The following APAF1 variants were observed in gnomAD, a reference collection of about 807,000 sequenced individuals.
The protein encoded by APAF1 is apoptotic peptidase activating factor 1.
In APAF1, 91 loss-of-function variants were observed where a neutral mutation model predicts 152.4. The ratio of observed to expected loss-of-function variants is 0.60; its 90% confidence interval spans 0.50 to 0.71. The LOEUF (loss-of-function observed/expected upper bound fraction) is 0.71. APAF1 is among the 30% of genes least tolerant of loss of function. The pLI is 0.00. For synonymous variants in APAF1, 484 were observed against 494.1 expected (o/e 0.98, Z 0.27); for missense variants, 1,283 against 1,472.0 (o/e 0.87, Z 2.10).
At chr12:98,726,914 T>G (rs2097751407) in intron 25 of APAF1, among the ~76,000 whole-genome samples, 2 of 152,206 alleles carry the variant, frequency 1.3e-5, no homozygotes, top group South Asian at 4.1e-4. Flanking sequence ...TTACAAATGA[T>G]TGTTTAATTT....
intron 20 of APAF1, 35 bp from the exon 21 acceptor site, chr12:98,712,284 A>G (rs758543506): frequency 8.2e-7 from 1 of 1,223,504 alleles, no homozygotes; most frequent in South Asian, 1.2e-5. Flanking sequence ...CTGCTCTTAC[A>G]GCCTAATAAC....
intron 21 of APAF1, chr12:98,712,868 A>C (rs1055114193): frequency 1.1e-5 from 2 of 186,612 alleles, no homozygotes; most frequent in African/African-American, 4.8e-5. Flanking sequence ...CACAGGCTGG[A>C]GTGCAGTGGT....
intron 26 of APAF1, among the ~76,000 whole-genome samples, chr12:98,727,546 CA>C (rs10718979): frequency 0.84 from 97,832 of 116,012 alleles, 40,374 homozygotes; most frequent in African/African-American, 0.9. Flanking sequence ...CATCCTGTCT[CA>C]AAAAAAAAAA....
chr12:98,729,943 A>G (rs983926145), intron 26 of APAF1, among the ~76,000 whole-genome samples: 1 of 152,240 alleles, frequency 6.6e-6, no homozygotes, highest in African/African-American at 2.4e-5. Flanking sequence ...ATTATAGTTA[A>G]CAATTTATTG....
rs116928965 is a variant in APAF1 at position 98,735,094 on chromosome 12, G to C, written c.*2528G>C. 3 of 397,942 alleles carry C rather than the reference G, an allele frequency of 7.5e-6. No homozygotes were observed. The highest frequency in any genetic ancestry group is 1.3e-5 in the Non-Finnish European group (3 of 225,824). The allele number at this position is 397,942 out of a possible 1,614,324, so 24.7% of individuals were successfully genotyped here. A position where few individuals can be genotyped will look rare whatever the true frequency, so the allele number is the denominator to read the frequency against. ...AAGACCCTGTCTTAAAAGAAAAATG[G>C]GAAGAAAGACAAGGTAACATGAAGA... On this transcript the variant is annotated 3_prime_UTR_variant, in exon 27 of 27. Coordinates refer to ENST00000551964, the MANE Select transcript of APAF1 (RefSeq NM_181861.2).
At position 98,665,581 on chromosome 12, in the gene APAF1, T is replaced by G. The variant is rs1161369683; in HGVS notation, c.984T>G (p.Gly328=). ...CTCCCCTTGTAGTATCTTTAATTGGTGCACTTTTACGTGATTTTCCCAATC... is the reference window on the plus strand; with the variant it reads ...CTCCCCTTGTAGTATCTTTAATTGGGGCACTTTTACGTGATTTTCCCAATC... ...KGSPLVVSLI[G]ALLRDFPNRW... Residue 328 remains glycine (G), a synonymous_variant, in exon 8 of 27, where the codon GGT becomes GGG. Coordinates refer to ENST00000551964, the MANE Select transcript of APAF1 (RefSeq NM_181861.2). 6.2e-7 allele frequency: 1 copy of G among 1,613,716 alleles called. No homozygotes were observed. Among genetic ancestry groups the G allele is most frequent in the African/African-American group, 1.3e-5 (1 of 75,002 alleles).
At chr12:98,719,856 A>G (rs1018392225) in intron 22 of APAF1, among the ~76,000 whole-genome samples, 10 of 152,076 alleles carry the variant, frequency 6.6e-5, no homozygotes, top group Admixed American at 6.6e-4. Context: ...TTTATTTAGT[A>G]TATATATTAA....
At chr12:98,701,366 G>A (rs1480481278) in intron 17 of APAF1, among the ~76,000 whole-genome samples, 1 of 152,184 alleles carries the variant, frequency 6.6e-6, no homozygotes, top group East Asian at 1.9e-4. Flanking sequence ...TTACCTAGGA[G>A]TGGAATTACT....
At chr12:98,731,893 TA>T (rs1451257508) in intron 26 of APAF1, among the ~76,000 whole-genome samples, 1 of 152,188 alleles carries the variant, frequency 6.6e-6, no homozygotes, top group East Asian at 1.9e-4. Context: ...AAATAAATAA[TA>T]TAGATTATTT....
At chr12:98,688,928 T>G (rs1023755520) in intron 16 of APAF1, among the ~76,000 whole-genome samples, 5 of 151,986 alleles carry the variant, frequency 3.3e-5, no homozygotes, top group African/African-American at 1.2e-4. Context: ...TCCTCCCACC[T>G]CAGCCTCTTG....
intron 4 of APAF1, among the ~76,000 whole-genome samples, chr12:98,656,912 C>T (rs1026553236): frequency 6.6e-6 from 1 of 152,190 alleles, no homozygotes; most frequent in Non-Finnish European, 1.5e-5. Flanking sequence ...TTGATGTAAT[C>T]ACCGTCTCAT....
At chr12:98,648,527 C>T (rs766952884) in intron 2 of APAF1, 30 bp downstream of exon 2, 17 of 1,609,820 alleles carry the variant, frequency 1.1e-5, no homozygotes, top group Admixed American at 1.7e-5. Flanking sequence ...TCCACACTTC[C>T]TTAAAAATTT....
Position 98,727,184 on chromosome 12 carries a change from C to G in APAF1, c.3468C>G (p.Val1156=), listed in dbSNP as rs754044920. The change falls in exon 26 of 27, where the codon GTC becomes GTG. Residue 1156 remains valine, a synonymous_variant. Transcript: ENST00000551964. ...DDNGEIRIWN[V]SNGELLHLCA... is the part of the protein sequence containing the mutation. Reference sequence around the variant, plus strand: ...TCATGTTTATGTAGATATGGAATGTCTCAAACGGTGAGCTTCTTCATTTGT... The same window carrying G: ...TCATGTTTATGTAGATATGGAATGTGTCAAACGGTGAGCTTCTTCATTTGT... 1 of 1,614,076 alleles carries G rather than the reference C, an allele frequency of 6.2e-7. No individual in the cohort carries two copies. Among genetic ancestry groups the G allele is most frequent in the East Asian group, 2.2e-5 (1 of 44,874 alleles).
At position 98,671,584 on chromosome 12, in the gene APAF1, A is replaced by AC; in HGVS notation, c.1660dup (p.Leu554ProfsTer9). On this transcript the variant is annotated frameshift_variant, in exon 12 of 27. Coordinates refer to ENST00000551964, the MANE Select transcript of APAF1 (RefSeq NM_181861.2). LOFTEE classifies it high-confidence loss of function. Reference sequence around the variant, plus strand: ...CAGGAGTTTTTATCTTTAAATGGACACCTTCTTGGACGACAGCCATTTCCT... The same window carrying AC: ...CAGGAGTTTTTATCTTTAAATGGACACCCTTCTTGGACGACAGCCATTTCCT... 6.2e-7 allele frequency: 1 copy of AC among 1,613,946 alleles called. No individual in the cohort carries two copies. Among genetic ancestry groups the AC allele is most frequent in the South Asian group, 1.1e-5 (1 of 91,068 alleles).
chr12:98,706,527 G>A lies in APAF1; in HGVS notation c.2638G>A (p.Gly880Arg), dbSNP rs764952058. 1.9e-6 allele frequency: 3 copies of A among 1,614,036 alleles called. No individual in the cohort carries two copies. In the South Asian group the frequency reaches 3.3e-5, roughly 18 times the overall value. ...ACGTTCAAAGGTGGCTGATTGCAGA[G>A]GACATTTAAGTTGGGTTCATGGTGT... ...DSRSKVADCR[G>R]HLSWVHGVMF... The change falls in exon 19 of 27, where the codon GGA (glycine) becomes AGA (arginine). Residue 880 changes from glycine (G) to arginine (R), a missense_variant. By Grantham distance (125) the Gly-to-Arg change is moderately radical (BLOSUM62 -2). Coordinates refer to ENST00000551964, the MANE Select transcript of APAF1 (RefSeq NM_181861.2).
chr12:98,655,245 G>A (rs1422100677), intron 4 of APAF1, among the ~76,000 whole-genome samples: 1 of 147,330 alleles, frequency 6.8e-6, no homozygotes, highest in Non-Finnish European at 1.5e-5. Context: ...ACACAGACAC[G>A]GCAACCATCC....
chr12:98,734,327 ACCT>A lies in APAF1; in HGVS notation c.*1765_*1767del. On this transcript the variant is annotated 3_prime_UTR_variant, in exon 27 of 27. Transcript: ENST00000551964. ...AAAACTCAATAACTAGCTATTTTTG[ACCT>A]CCTGATCAGGAACTTTAGTTGAAGC... 1 of 152,162 alleles carries A rather than the reference ACCT, an allele frequency of 6.6e-6. No homozygotes were observed. Among genetic ancestry groups the A allele is most frequent in the East Asian group, 1.9e-4 (1 of 5,194 alleles). 9.4% of individuals were successfully genotyped at this position (152,162 alleles called of 1,614,324 possible).
At chr12:98,699,340 G>T in intron 16 of APAF1, 68 bp from the exon 17 acceptor site, 1 of 1,495,462 alleles carries the variant, frequency 6.7e-7, no homozygotes, top group South Asian at 1.2e-5. Flanking sequence ...ATTTAATTTA[G>T]GAAAAATTCT....
At chr12:98,649,821 ACT>A in intron 4 of APAF1, 137 bp downstream of exon 4, 1 of 835,350 alleles carries the variant, frequency 1.2e-6, no homozygotes, top group Non-Finnish European at 1.9e-6. Flanking sequence ...GGATATGTTA[ACT>A]CTCTGAAGGG....
Sources: allele counts gnomAD v4.1 joint callset (sites outside exome capture counted in the v4.1 genomes callset), GRCh38; gene constraint gnomAD v4.1.1; transcripts MANE v1.5; gene names NCBI Gene and HGNC (gene_info 2026-07-23, HGNC 2026-07-21).